The following DIS3L2 variants were observed in gnomAD, a reference collection of about 807,000 sequenced individuals.
DIS3L2 encodes DIS3-like exonuclease 2.
A neutral mutation model predicts 97.5 loss-of-function variants in DIS3L2; 34 were observed. The observed-to-expected ratio is 0.35, with a 90% CI of 0.27 to 0.46. The LOEUF (loss-of-function observed/expected upper bound fraction) is 0.46, where lower values mean the gene tolerates loss of function less well. Ranked by LOEUF, DIS3L2 falls within the 20% of genes least tolerant of loss-of-function variation. DIS3L2 has a pLI of 1.00. For missense variants in DIS3L2, 1,038 were observed against 1,146.0 expected (o/e 0.91, Z 1.36); for synonymous variants, 435 against 445.2 (o/e 0.98, Z 0.29).
chr2:232,068,409 TAAA>T (rs5839428), intron 5 of DIS3L2, among the ~76,000 whole-genome samples: 46 of 134,852 alleles, frequency 3.4e-4, no homozygotes, highest in Admixed American at 6.7e-4. Flanking sequence ...CTATTGCTAC[TAAA>T]AAAAAAAAAA....
chr2:232,162,037 C>T (rs1441329180), intron 8 of DIS3L2, among the ~76,000 whole-genome samples: 2 of 152,194 alleles, frequency 1.3e-5, no homozygotes, highest in East Asian at 3.8e-4. Context: ...TCCCAAAGTG[C>T]TAGGATTACA....
intron 11 of DIS3L2, 98 bp downstream of exon 11, chr2:232,238,743 G>A: frequency 8.8e-7 from 1 of 1,142,746 alleles, no homozygotes. Context: ...TCTCCGGAAA[G>A]AGAAGCCAAA....
At chr2:232,155,914 CG>C (rs1309787772) in intron 8 of DIS3L2, among the ~76,000 whole-genome samples, 1 of 151,854 alleles carries the variant, frequency 6.6e-6, no homozygotes, top group African/African-American at 2.4e-5. Flanking sequence ...GGTGTGAACC[CG>C]GGAGGCGGAG....
rs754373484 is a variant in DIS3L2 at position 232,109,868 on chromosome 2, C to G, written c.602-20751C>G. Among the ~76,000 whole-genome samples the G allele has an allele frequency of 6.6e-5, 10 of 152,132 alleles. No individual in the cohort carries two copies. The East Asian group carries it at 1.9e-3, about 29-fold the overall frequency. ...AAAAGCAAAAATTGACAAATGGTAT[C>G]TAATTAAAGAGCTTCTGCATAGCAA... On this transcript the variant is annotated intron_variant, in intron 6 of 20. Coordinates refer to ENST00000325385, the MANE Select transcript of DIS3L2 (RefSeq NM_152383.5).
intron 10 of DIS3L2, among the ~76,000 whole-genome samples, chr2:232,223,483 T>C (rs568757729): frequency 2.6e-5 from 4 of 152,358 alleles, no homozygotes; most frequent in African/African-American, 9.6e-5. Context: ...CTAAGCTTCA[T>C]TTATGCCTAT....
chr2:232,112,345 G>A (rs1167732472), intron 6 of DIS3L2, among the ~76,000 whole-genome samples: 4 of 152,222 alleles, frequency 2.6e-5, no homozygotes, highest in Admixed American at 1.3e-4. Flanking sequence ...AAAAATAGGG[G>A]CCTGAGTGGG....
intron 1 of DIS3L2, among the ~76,000 whole-genome samples, chr2:231,976,879 C>T (rs915016268): frequency 1.3e-5 from 2 of 151,510 alleles, no homozygotes; most frequent in East Asian, 2.0e-4. Context: ...GCCATTCTCC[C>T]GCCTCAGCCT....
intron 5 of DIS3L2, among the ~76,000 whole-genome samples, chr2:232,079,846 T>C (rs1435334990): frequency 1.3e-5 from 2 of 152,136 alleles, no homozygotes; most frequent in Non-Finnish European, 2.9e-5. Context: ...TGTAGTATTC[T>C]AGGAACAGCA....
At chr2:232,211,775 A>G (rs182061213) in intron 10 of DIS3L2, among the ~76,000 whole-genome samples, 1 of 152,360 alleles carries the variant, frequency 6.6e-6, no homozygotes, top group African/African-American at 2.4e-5. Context: ...TAGAAGGCTG[A>G]GAGATAGAAG....
At chr2:232,337,243 G>GT (rs1695990024), downstream of DIS3L2, 1 of 933,446 alleles carries the variant, frequency 1.1e-6, no homozygotes, top group African/African-American at 2.2e-5. Context: ...TCTGACGAAT[G>GT]TGACTGTGTC....
intron 13 of DIS3L2, among the ~76,000 whole-genome samples, chr2:232,273,369 A>G (rs572630822): frequency 6.6e-6 from 1 of 152,276 alleles, no homozygotes; most frequent in East Asian, 1.9e-4. Context: ...AGGCATTTCA[A>G]GGTCTTTAAA....
intron 9 of DIS3L2, among the ~76,000 whole-genome samples, chr2:232,192,712 A>C (rs1050656906): frequency 5.9e-5 from 9 of 152,212 alleles, no homozygotes; most frequent in Admixed American, 5.9e-4. Context: ...TTCGATAATG[A>C]TAAAGTGTTA....
intron 1 of DIS3L2, among the ~76,000 whole-genome samples, chr2:231,979,697 C>T (rs1226540121): frequency 2.0e-5 from 3 of 152,014 alleles, no homozygotes; most frequent in South Asian, 4.2e-4. Context: ...CCTGCCTCAG[C>T]CTCCTGAGTA....
At chr2:232,197,749 A>T (rs184517003) in intron 9 of DIS3L2, among the ~76,000 whole-genome samples, 113 of 152,182 alleles carry the variant, frequency 7.4e-4, no homozygotes, top group Non-Finnish European at 1.3e-3. Flanking sequence ...CAGGCAGATT[A>T]TGAGGTCATG....
chr2:232,136,373 G>A, intron 7 of DIS3L2, 99 bp from the exon 8 acceptor site: 1 of 1,471,240 alleles, frequency 6.8e-7, no homozygotes, highest in East Asian at 2.3e-5. Flanking sequence ...AAAAACTGCT[G>A]GTTCCTGCTA....
At chr2:232,069,414 G>A (rs2106284868) in intron 5 of DIS3L2, among the ~76,000 whole-genome samples, 1 of 152,308 alleles carries the variant, frequency 6.6e-6, no homozygotes, top group Non-Finnish European at 1.5e-5. Context: ...TATCAGTGTA[G>A]TGTTCTATGA....
chr2:232,280,398 T>C (rs568309604), intron 13 of DIS3L2, among the ~76,000 whole-genome samples: 189 of 152,342 alleles, frequency 1.2e-3, no homozygotes, highest in African/African-American at 4.5e-3. Context: ...GAGAAAAACC[T>C]CCAAACTTTC....
intron 8 of DIS3L2, among the ~76,000 whole-genome samples, chr2:232,138,719 G>A (rs1282016638): frequency 5.3e-5 from 8 of 152,002 alleles, no homozygotes; most frequent in Non-Finnish European, 5.9e-5. Context: ...GGAGTGTGAC[G>A]GTAATACCTG....
At chr2:231,989,749 T>G (rs1160205778) in intron 1 of DIS3L2, among the ~76,000 whole-genome samples, 1 of 152,094 alleles carries the variant, frequency 6.6e-6, no homozygotes, top group African/African-American at 2.4e-5. Flanking sequence ...GTGGGAGGAT[T>G]ACTTGAGCCC....
Sources: allele counts gnomAD v4.1 joint callset (sites outside exome capture counted in the v4.1 genomes callset), GRCh38; gene constraint gnomAD v4.1.1; transcripts MANE v1.5; gene names NCBI Gene and HGNC (gene_info 2026-07-23, HGNC 2026-07-21).